Variants in CCDC91 observed in about 807,000 individuals in gnomAD.
The protein encoded by CCDC91 is coiled-coil domain containing 91, also known as coiled-coil domain-containing protein 91.
Under a neutral mutation model 63.2 loss-of-function variants are expected in CCDC91, and 48 were observed. The observed-to-expected ratio is 0.76, with a 90% CI of 0.60 to 0.97. CCDC91 has a LOEUF of 0.97. Among genes scored for constraint, CCDC91 ranks in the 50% least tolerant of loss-of-function variants. CCDC91 has a pLI of 0.00. For synonymous variants in CCDC91, 167 were observed against 165.8 expected (o/e 1.01, Z -0.06); for missense variants, 500 against 494.6 (o/e 1.01, Z -0.10).
At chr12:28,258,043 A>G (rs747223549) in intron 2 of CCDC91, among the ~76,000 whole-genome samples, 4 of 151,850 alleles carry the variant, frequency 2.6e-5, no homozygotes, top group Non-Finnish European at 5.9e-5. Flanking sequence ...GATGTTAAGT[A>G]TATATTCAGT....
chr12:28,270,672 C>G (rs1947707600), intron 3 of CCDC91, among the ~76,000 whole-genome samples: 1 of 152,064 alleles, frequency 6.6e-6, no homozygotes, highest in African/African-American at 2.4e-5. Flanking sequence ...AAGGAGCAAC[C>G]TTAAAGTAAT....
intron 8 of CCDC91, among the ~76,000 whole-genome samples, chr12:28,407,902 G>A (rs1947051970): frequency 6.6e-6 from 1 of 150,780 alleles, no homozygotes; most frequent in South Asian, 2.1e-4. Context: ...CATGCTTGCT[G>A]CTAGGACATA....
chr12:28,223,365 A>G (rs1297155350), intron 1 of CCDC91, among the ~76,000 whole-genome samples: 1 of 152,154 alleles, frequency 6.6e-6, no homozygotes, highest in African/African-American at 2.4e-5. Context: ...TGATATTTCC[A>G]TATGTAAATG....
intron 6 of CCDC91, among the ~76,000 whole-genome samples, chr12:28,339,711 T>A (rs1331911997): frequency 6.6e-6 from 1 of 152,150 alleles, no homozygotes; most frequent in Non-Finnish European, 1.5e-5. Flanking sequence ...GGTATTTGCC[T>A]GGGATCTGGA....
chr12:28,277,886 A>G (rs1285297340), intron 3 of CCDC91, among the ~76,000 whole-genome samples: 1 of 152,028 alleles, frequency 6.6e-6, no homozygotes, highest in Non-Finnish European at 1.5e-5. Context: ...GGTAGTAGCC[A>G]GACTGTAGAC....
intron 1 of CCDC91, among the ~76,000 whole-genome samples, chr12:28,235,936 G>C (rs1010514888): frequency 3.3e-5 from 5 of 151,890 alleles, no homozygotes; most frequent in African/African-American, 1.2e-4. Context: ...GTAACATTTT[G>C]TCAGTGACAC....
At chr12:28,202,860 C>A (rs1406479095) in intron 1 of CCDC91, among the ~76,000 whole-genome samples, 1 of 152,202 alleles carries the variant, frequency 6.6e-6, no homozygotes, top group Admixed American at 6.5e-5. Flanking sequence ...TTGTTGTTTG[C>A]CCCAACTGTT....
chr12:28,484,131 ATGAAT>A lies in CCDC91; in HGVS notation c.1185_1189del (p.Glu395AspfsTer43). 1 of 1,609,864 alleles carries A rather than the reference ATGAAT, an allele frequency of 6.2e-7. No homozygotes were observed. Among genetic ancestry groups the A allele is most frequent in the Non-Finnish European group, 8.5e-7 (1 of 1,177,638 alleles). ...GAAGAGGCAGTGAAAAGAACAAGAG[ATGAAT>A]TGATAGAGTATATAAAAGAACAGAA... is the stretch of plus-strand genomic sequence containing the variant. On this transcript the variant is annotated frameshift_variant, in exon 12 of 13. Transcript: ENST00000536442. LOFTEE classifies it high-confidence loss of function.
intron 12 of CCDC91, among the ~76,000 whole-genome samples, chr12:28,520,015 TA>T (rs1232305140): frequency 2.6e-5 from 4 of 152,164 alleles, no homozygotes; most frequent in Non-Finnish European, 5.9e-5. Context: ...CTATTGTGAA[TA>T]GTGCCGCAAT....
At chr12:28,382,871 C>G (rs1315085381) in intron 7 of CCDC91, among the ~76,000 whole-genome samples, 1 of 151,298 alleles carries the variant, frequency 6.6e-6, no homozygotes, top group Non-Finnish European at 1.5e-5. Context: ...ATTTTTTTTT[C>G]CCTTTCCTTT....
intron 6 of CCDC91, among the ~76,000 whole-genome samples, chr12:28,344,396 A>G (rs1403620287): frequency 6.6e-6 from 1 of 152,128 alleles, no homozygotes; most frequent in Admixed American, 6.5e-5. Context: ...GGTAAAATAT[A>G]GAGTAGAAGA....
chr12:28,504,239 A>C (rs1184988111), intron 12 of CCDC91, among the ~76,000 whole-genome samples: 1 of 151,958 alleles, frequency 6.6e-6, no homozygotes, highest in Non-Finnish European at 1.5e-5. Flanking sequence ...AGTTTCAAAA[A>C]AAAAGCACTC....
chr12:28,454,401 T>TG (rs1285955237), intron 11 of CCDC91, among the ~76,000 whole-genome samples: 1 of 152,104 alleles, frequency 6.6e-6, no homozygotes, highest in African/African-American at 2.4e-5. Flanking sequence ...CGCATAGCTG[T>TG]CTATAGTACA....
intron 12 of CCDC91, among the ~76,000 whole-genome samples, chr12:28,499,015 A>T (rs1365950774): frequency 6.6e-6 from 1 of 151,664 alleles, no homozygotes; most frequent in Non-Finnish European, 1.5e-5. Context: ...TTAAACATTT[A>T]TCTAATCTAA....
chr12:28,327,272 A>G (rs1941100338), intron 6 of CCDC91, among the ~76,000 whole-genome samples: 1 of 152,130 alleles, frequency 6.6e-6, no homozygotes, highest in South Asian at 2.1e-4. Context: ...AGACATAGAC[A>G]AGCAAGCTGG....
intron 3 of CCDC91, among the ~76,000 whole-genome samples, chr12:28,289,909 G>C (rs147375093): frequency 6.6e-6 from 1 of 151,944 alleles, no homozygotes; most frequent in African/African-American, 2.4e-5. Flanking sequence ...AGCCAGGATG[G>C]TCTCGATCTC....
intron 9 of CCDC91, 36 bp downstream of exon 9, chr12:28,450,289 T>G: frequency 6.3e-7 from 1 of 1,578,888 alleles, no homozygotes; most frequent in Non-Finnish European, 8.7e-7. Context: ...GTAGAAAGAA[T>G]GTGTTCTGTT....
At chr12:28,328,938 C>G (rs1232309089) in intron 6 of CCDC91, among the ~76,000 whole-genome samples, 2 of 151,860 alleles carry the variant, frequency 1.3e-5, no homozygotes, top group Non-Finnish European at 1.5e-5. Context: ...AGGTAGGAAG[C>G]AAATGATAAG....
chr12:28,403,310 C>T (rs900338804), intron 8 of CCDC91, among the ~76,000 whole-genome samples: 1 of 152,092 alleles, frequency 6.6e-6, no homozygotes, highest in Non-Finnish European at 1.5e-5. Flanking sequence ...GTCTTAGCCT[C>T]TTTGGGGTGC....
Sources: gnomAD v4.1 joint callset for allele counts (sites outside exome capture counted in the v4.1 genomes callset) on GRCh38, gnomAD v4.1.1 for gene constraint, MANE v1.5 for transcripts, NCBI Gene and HGNC (gene_info 2026-07-23, HGNC 2026-07-21) for gene names.